MYO16: variants seen among roughly 807,000 people sequenced by gnomAD.
MYO16 encodes myosin XVI, also known as unconventional myosin-XVI.
In MYO16, 94 loss-of-function variants were observed where a neutral mutation model predicts 205.3. The ratio of observed to expected loss-of-function variants is 0.46; its 90% confidence interval spans 0.39 to 0.54. MYO16 has a LOEUF of 0.54. Ranked by LOEUF, MYO16 falls within the 20% of genes least tolerant of loss-of-function variation. The probability of loss-of-function intolerance (pLI) is 0.00; values close to 1 mark genes in which losing one functional copy is unlikely to be tolerated. For synonymous variants in MYO16, 988 were observed against 954.0 expected (o/e 1.04, Z -0.66); for missense variants, 2,315 against 2,387.5 (o/e 0.97, Z 0.63).
At chr13:108,618,564 T>C (rs1170872225) in intron 1 of MYO16, among the ~76,000 whole-genome samples, 2 of 152,226 alleles carry the variant, frequency 1.3e-5, no homozygotes, top group Admixed American at 6.5e-5. Context: ...CATCTTGCTT[T>C]GTCTAAGCTT....
chr13:108,737,542 G>A (rs958905511), intron 4 of MYO16, among the ~76,000 whole-genome samples: 5 of 152,188 alleles, frequency 3.3e-5, no homozygotes, highest in Admixed American at 2.6e-4. Flanking sequence ...CGGTTTGCCA[G>A]TATTTTATTG....
intron 15 of MYO16, among the ~76,000 whole-genome samples, chr13:108,901,455 C>T (rs551021481): frequency 6.6e-6 from 1 of 152,150 alleles, no homozygotes; most frequent in African/African-American, 2.4e-5. Context: ...TAGAAAAGAA[C>T]CTACGTGAAA....
At chr13:108,813,016 C>T (rs1887342229) in intron 7 of MYO16, among the ~76,000 whole-genome samples, 1 of 151,992 alleles carries the variant, frequency 6.6e-6, no homozygotes, top group Non-Finnish European at 1.5e-5. Context: ...TATAGCTACA[C>T]AAATACAACT....
rs773194981 is a variant in MYO16, at chr13:108,866,165, C to T, written c.1360-12C>T. The T allele has an allele frequency of 1.9e-6, 3 of 1,589,672 alleles. No homozygotes were observed. Among genetic ancestry groups the T allele is most frequent in the Non-Finnish European group, 2.6e-6 (3 of 1,163,950 alleles). On this transcript the variant is annotated splice_polypyrimidine_tract_variant and intron_variant, in intron 11 of 34. Transcript: ENST00000457511. ...TATGACTCATGAACTGTTTGCATCCCTTTTTTCACAGACATTCATTGGAGA... is the reference window on the plus strand; with the variant it reads ...TATGACTCATGAACTGTTTGCATCCTTTTTTTCACAGACATTCATTGGAGA...
chr13:108,695,333 G>A (rs1161838946), intron 2 of MYO16, among the ~76,000 whole-genome samples: 3 of 152,106 alleles, frequency 2.0e-5, no homozygotes, highest in Non-Finnish European at 4.4e-5. Context: ...GTTGAACATT[G>A]ATGTATGGGT....
chr13:108,590,624 T>C, the MYO16 span, among the ~76,000 whole-genome samples: 2 of 152,098 alleles, frequency 1.3e-5, no homozygotes, highest in Admixed American at 1.3e-4. Flanking sequence ...GATGTTCTTA[T>C]GAGAGGAGGG....
At chr13:108,624,036 T>G (rs957595932) in intron 1 of MYO16, among the ~76,000 whole-genome samples, 1 of 152,176 alleles carries the variant, frequency 6.6e-6, no homozygotes, top group African/African-American at 2.4e-5. Context: ...GTGATTAAAT[T>G]GTAAATAAGA....
At chr13:108,659,355 G>T (rs977268875) in intron 1 of MYO16, 28 of 424,416 alleles carry the variant, frequency 6.6e-5, no homozygotes, top group African/African-American at 5.8e-4. Flanking sequence ...CATCTATTTA[G>T]ATGTCTAGGT....
At chr13:108,752,875 C>CAGG (rs1181713372) in intron 4 of MYO16, among the ~76,000 whole-genome samples, 1 of 127,564 alleles carries the variant, frequency 7.8e-6, no homozygotes, top group Non-Finnish European at 1.6e-5. Context: ...CCATGTTGGT[C>CAGG]AGGCTGGTCT....
At position 109,140,210 on chromosome 13, in the gene MYO16, G is replaced by A; in HGVS notation, c.4052-54G>A. The A allele has an allele frequency of 1.3e-6, 2 of 1,580,506 alleles. No individual in the cohort carries two copies. The highest frequency in any genetic ancestry group is 1.7e-6 in the Non-Finnish European group (2 of 1,171,584). On this transcript the variant is annotated intron_variant, in intron 31 of 34. Coordinates refer to ENST00000457511, the MANE Select transcript of MYO16 (RefSeq NM_001198950.3). This position sits in a 1 kb window ranked among gnomAD's most constrained non-coding sequence, Gnocchi z 8.0. ...CTCCGAGTCGAGCCCCGGGCTTGGT[G>A]GGCACCCGTGGGCCTGGCCTGGCAC...
chr13:109,070,925 A>C (rs1006653496), intron 27 of MYO16, among the ~76,000 whole-genome samples: 7 of 152,172 alleles, frequency 4.6e-5, no homozygotes, highest in Non-Finnish European at 7.4e-5. Flanking sequence ...AGAAAAATTC[A>C]GTTAGAGCTG....
At chr13:108,763,820 TG>T (rs1277810584) in intron 4 of MYO16, among the ~76,000 whole-genome samples, 2 of 150,564 alleles carry the variant, frequency 1.3e-5, no homozygotes, top group African/African-American at 2.5e-5. Flanking sequence ...TGTGTGTGTG[TG>T]TGTCGTGTAT....
At chr13:108,770,532 A>G (rs887114830) in intron 4 of MYO16, among the ~76,000 whole-genome samples, 7 of 152,166 alleles carry the variant, frequency 4.6e-5, no homozygotes, top group South Asian at 4.1e-4. Flanking sequence ...ATATCTCCCA[A>G]ACTGTCACAT....
chr13:108,633,414 T>C (rs928058383), intron 1 of MYO16, among the ~76,000 whole-genome samples: 1 of 152,144 alleles, frequency 6.6e-6, no homozygotes, highest in Non-Finnish European at 1.5e-5. Context: ...GCGGAAGAAC[T>C]TGGAGTCTGA....
At chr13:108,650,718 C>G (rs1880962268) in intron 1 of MYO16, among the ~76,000 whole-genome samples, 1 of 152,178 alleles carries the variant, frequency 6.6e-6, no homozygotes, top group Admixed American at 6.5e-5. Context: ...GCATCATCCT[C>G]TCTTGGAAGA....
chr13:108,627,103 A>C (rs1355884278), upstream of MYO16, among the ~76,000 whole-genome samples: 1 of 151,350 alleles, frequency 6.6e-6, no homozygotes, highest in East Asian at 1.9e-4. Flanking sequence ...TTTTTAAAAA[A>C]TTTTATGAAG....
intron 14 of MYO16, among the ~76,000 whole-genome samples, chr13:108,896,005 A>G (rs1880396059): frequency 6.6e-6 from 1 of 152,202 alleles, no homozygotes; most frequent in Non-Finnish European, 1.5e-5. Flanking sequence ...GGACCTCCTC[A>G]GCGTTACATA....
intron 2 of MYO16, 149 bp from the exon 3 acceptor site, chr13:108,712,512 A>G: frequency 1.4e-6 from 1 of 693,634 alleles, no homozygotes; most frequent in Non-Finnish European, 2.6e-6. Context: ...ACCAATCATC[A>G]TAATAAATAG....
At chr13:108,572,068 T>G in the MYO16 span, among the ~76,000 whole-genome samples, 1 of 151,836 alleles carries the variant, frequency 6.6e-6, no homozygotes, top group African/African-American at 2.4e-5. Flanking sequence ...TACAGGTGCA[T>G]GCCACCATGC....
Sources: allele counts gnomAD v4.1 joint callset (sites outside exome capture counted in the v4.1 genomes callset), GRCh38; gene constraint gnomAD v4.1.1; non-coding constraint Gnocchi (gnomAD v3.1); transcripts MANE v1.5; gene names NCBI Gene and HGNC (gene_info 2026-07-23, HGNC 2026-07-21).